The following DCAF4 variants were observed in gnomAD, a reference collection of about 807,000 sequenced individuals.
DCAF4 encodes the protein DDB1 and CUL4 associated factor 4.
Under a neutral mutation model 60.9 loss-of-function variants are expected in DCAF4, and 37 were observed. The observed-to-expected ratio is 0.61, with a 90% confidence interval of 0.47 to 0.80. The LOEUF is 0.80. Ranked by LOEUF, DCAF4 falls within the 30% of genes least tolerant of loss-of-function variation. The pLI, the probability that DCAF4 is intolerant of heterozygous loss-of-function variation, is 0.00. For synonymous variants in DCAF4, 243 were observed against 254.8 expected (o/e 0.95, Z 0.44); for missense variants, 577 against 650.0 (o/e 0.89, Z 1.22).
At chr14:72,954,073 C>A in intron 9 of DCAF4, 91 bp from the exon 10 acceptor site, 1 of 1,344,392 alleles carries the variant, frequency 7.4e-7, no homozygotes, top group Non-Finnish European at 1.1e-6. Flanking sequence ...CTCTGAGCAG[C>A]TATGGGCATA....
intron 4 of DCAF4, chr14:72,940,617 A>C: frequency 2.7e-6 from 1 of 373,800 alleles, no homozygotes; most frequent in Non-Finnish European, 4.7e-6. Flanking sequence ...TTGAGGCGGA[A>C]TCTCACTCTG....
At chr14:72,933,525 C>T (rs1888851278) in intron 1 of DCAF4, among the ~76,000 whole-genome samples, 1 of 150,890 alleles carries the variant, frequency 6.6e-6, no homozygotes, top group African/African-American at 2.4e-5. Flanking sequence ...TGCCATTGCA[C>T]TCCAGCCTGG....
chr14:72,956,023 A>G (rs1892246456), intron 12 of DCAF4, among the ~76,000 whole-genome samples: 1 of 142,682 alleles, frequency 7.0e-6, no homozygotes, highest in South Asian at 2.2e-4. Context: ...CTCAGGTTCA[A>G]GCGATTCTCC....
intron 7 of DCAF4, among the ~76,000 whole-genome samples, chr14:72,946,383 T>G (rs1466040159): frequency 6.6e-6 from 1 of 151,906 alleles, no homozygotes; most frequent in Non-Finnish European, 1.5e-5. Flanking sequence ...CCAACCTGGG[T>G]AACAGAGCGA....
chr14:72,932,896 CTTT>C (rs1888751746), intron 1 of DCAF4, among the ~76,000 whole-genome samples: 2 of 151,850 alleles, frequency 1.3e-5, no homozygotes, highest in Non-Finnish European at 2.9e-5. Context: ...TTCTTTCTTT[CTTT>C]CTTTTTTTTA....
intron 4 of DCAF4, 122 bp downstream of exon 4, chr14:72,940,499 G>A (rs2140233919): frequency 2.9e-6 from 3 of 1,032,948 alleles, no homozygotes; most frequent in East Asian, 3.0e-5. Flanking sequence ...TTCAGGGGGT[G>A]TGGCCCTAGC....
chr14:72,955,571 G>A lies in DCAF4; in HGVS notation c.1054G>A (p.Asp352Asn). The change falls in exon 12 of 14, where the codon GAT becomes AAT. Residue 352 changes from aspartate to asparagine, a missense_variant. By Grantham distance (23) the Asp-to-Asn change is conservative. Transcript: ENST00000358377. ...CCGCTCTGGGGAAATCTTTGCCATT[G>A]ATCTGCGTTGTGGAAATCAAGGCAA... The part of the protein sequence containing the change: ...GCRSGEIFAI[D>N]LRCGNQGKGW... 1 of 1,614,158 alleles carries A rather than the reference G, an allele frequency of 6.2e-7. No homozygotes were observed. Among genetic ancestry groups the A allele is most frequent in the African/African-American group, 1.3e-5 (1 of 75,042 alleles).
intron 11 of DCAF4, 37 bp downstream of exon 11, chr14:72,954,520 G>A (rs780637756): frequency 6.2e-7 from 1 of 1,604,820 alleles, no homozygotes; most frequent in Non-Finnish European, 8.5e-7. Context: ...ATAAAAGTTT[G>A]CCCCATGTAG....
chr14:72,933,330 A>G (rs8004641), intron 1 of DCAF4, among the ~76,000 whole-genome samples: 140,616 of 152,218 alleles, frequency 0.92, 65,319 homozygotes, highest in Non-Finnish European at 0.97. Flanking sequence ...GGAGGCCGAG[A>G]TGGGCAGATC....
Position 72,951,866 on chromosome 14 carries a change from A to T in DCAF4, c.797A>T (p.Asn266Ile). 6.2e-7 allele frequency: 1 copy of T among 1,614,136 alleles called. No homozygotes were observed. Among genetic ancestry groups the T allele is most frequent in the Non-Finnish European group, 8.5e-7 (1 of 1,180,014 alleles). The change falls in exon 9 of 14, where the codon AAT becomes ATT. Residue 266 changes from asparagine to isoleucine, a missense_variant. Asn to Ile is a moderately radical substitution (Grantham distance 149). Transcript: ENST00000358377. The part of the protein sequence containing the change: ...ATLLPASLFV[N>I]SHPGIDRPGM... Reference sequence around the variant, plus strand: ...CTGCTCCCAGCATCACTGTTCGTCAATAGTCACCCAGGTACAGGGTTCTCC... The same window carrying T: ...CTGCTCCCAGCATCACTGTTCGTCATTAGTCACCCAGGTACAGGGTTCTCC...
chr14:72,955,802 G>T (rs773688467), intron 12 of DCAF4, 106 bp downstream of exon 12: 1 of 1,104,606 alleles, frequency 9.1e-7, no homozygotes, highest in African/African-American at 1.6e-5. Context: ...CCCAGGCAGG[G>T]GAATTTCGCT....
intron 6 of DCAF4, among the ~76,000 whole-genome samples, chr14:72,944,239 G>A (rs536375470): frequency 5.9e-5 from 9 of 152,238 alleles, no homozygotes; most frequent in East Asian, 3.9e-4. Context: ...CTGGCTGGCC[G>A]GTGTGACCGC....
At chr14:72,954,352 C>T in intron 10 of DCAF4, 34 bp from the exon 11 acceptor site, 4 of 1,613,444 alleles carry the variant, frequency 2.5e-6, no homozygotes, top group Non-Finnish European at 3.4e-6. Context: ...CTACATGTGA[C>T]ATAATCTTAC....
rs529408877 is a variant in DCAF4, at chr14:72,928,312, G to C, written c.-9+1769G>C. The stretch of plus-strand genomic sequence containing the variant: ...AGGTTTAAGGGATTCTCCTGCTTCA[G>C]CCTCCCGAGTAGCTGAGACTACGGG... On this transcript the variant is annotated intron_variant, in intron 1 of 13. Transcript: ENST00000358377. Among the ~76,000 whole-genome samples, 222 of 149,660 alleles carry C rather than the reference G, an allele frequency of 1.5e-3. 3 individuals are homozygous for C. Among genetic ancestry groups the C allele is most frequent in the East Asian group, 1.8e-3 (9 of 5,046 alleles).
chr14:72,927,069 G>C (rs1021009650), intron 1 of DCAF4: 1 of 152,330 alleles, frequency 6.6e-6, no homozygotes, highest in Non-Finnish European at 1.5e-5. Flanking sequence ...TGTCCGTCGG[G>C]GTAGCGCACA....
At chr14:72,940,424 C>A in intron 4 of DCAF4, 47 bp downstream of exon 4, 2 of 1,561,202 alleles carry the variant, frequency 1.3e-6, no homozygotes, top group Non-Finnish European at 1.7e-6. Context: ...CTCCTGCCAG[C>A]ACCTGTCCAT....
intron 9 of DCAF4, 148 bp downstream of exon 9, chr14:72,952,025 T>G (rs76485499): frequency 1.3e-4 from 5 of 38,818 alleles, no homozygotes; most frequent in African/African-American, 5.3e-4. Flanking sequence ...GAAGCATGTG[T>G]TTTTTTTACA....
chr14:72,960,977 C>T (rs574089706), downstream of DCAF4, among the ~76,000 whole-genome samples: 19 of 151,834 alleles, frequency 1.3e-4, no homozygotes, highest in South Asian at 3.7e-3. Flanking sequence ...GTCTTGACCT[C>T]CTTGGGCTTG....
In DCAF4 at chr14:72,958,880, G is replaced by T. The variant is rs780084635; in HGVS notation, c.*75G>T. ...AGCGTAACTTTTTACTGCATCTAAT[G>T]AGGGTGTTTTAAGTGACACTCAGTG... On this transcript the variant is annotated 3_prime_UTR_variant, in exon 14 of 14. Transcript: ENST00000358377. 5.3e-6 allele frequency: 8 copies of T among 1,502,538 alleles called. No individual in the cohort carries two copies. The highest frequency in any genetic ancestry group is 6.2e-6 in the Non-Finnish European group (7 of 1,130,594). The allele number at this position is 1,502,538 out of a possible 1,614,324, so 93.1% of individuals were successfully genotyped here.
Sources: gnomAD v4.1 joint callset for allele counts (sites outside exome capture counted in the v4.1 genomes callset) on GRCh38, gnomAD v4.1.1 for gene constraint, MANE v1.5 for transcripts, NCBI Gene and HGNC (gene_info 2026-07-23, HGNC 2026-07-21) for gene names.